The following TNFSF13B variants were observed in gnomAD, a reference collection of about 807,000 sequenced individuals.
TNFSF13B encodes tumor necrosis factor ligand superfamily member 13B.
TNFSF13B carries 8 observed loss-of-function variants against 29.1 expected under a neutral mutation model. The observed-to-expected ratio is 0.27, with a 90% CI of 0.16 to 0.50. The LOEUF (loss-of-function observed/expected upper bound fraction) is 0.50. Among genes scored for constraint, TNFSF13B ranks in the 20% least tolerant of loss-of-function variants. TNFSF13B has a pLI of 0.98. For synonymous variants in TNFSF13B, 125 were observed against 130.8 expected, an observed-to-expected ratio of 0.96 and a Z score of 0.30; for missense variants, 248 against 334.9, an observed-to-expected ratio of 0.74 and a Z score of 2.03.
Position 108,270,123 on chromosome 13 carries a change from G to A in TNFSF13B, c.228G>A (p.Leu76=). The change falls in exon 1 of 6, where the codon CTG becomes CTA. Residue 76 remains leucine (L), a synonymous_variant. Transcript: ENST00000375887. ...FYQVAALQGD[L]ASLRAELQGH... is the part of the protein sequence containing the mutation. ...AGGTGGCCGCCCTGCAAGGGGACCT[G>A]GCCAGCCTCCGGGCAGAGCTGCAGG... The A allele has an allele frequency of 6.2e-7, 1 of 1,602,660 alleles. No individual in the cohort carries two copies. The highest frequency in any genetic ancestry group is 1.3e-5 in the African/African-American group (1 of 75,042).
intron 5 of TNFSF13B, among the ~76,000 whole-genome samples, chr13:108,303,943 A>C (rs865892096): frequency 7.9e-5 from 12 of 152,216 alleles, no homozygotes; most frequent in African/African-American, 2.9e-4. Context: ...TTTCTTCAAC[A>C]CTTAATAACA....
intron 2 of TNFSF13B, 123 bp downstream of exon 2, chr13:108,270,547 C>T (rs776107041): frequency 4.2e-6 from 4 of 941,864 alleles, no homozygotes; most frequent in Non-Finnish European, 6.4e-6. Context: ...AATTTGCCAT[C>T]CAAAGCAGAC....
At chr13:108,291,254 CTTAG>C (rs1372798534) in intron 3 of TNFSF13B, among the ~76,000 whole-genome samples, 7 of 150,868 alleles carry the variant, frequency 4.6e-5, no homozygotes, top group Non-Finnish European at 8.9e-5. Context: ...AATCAGCTTA[CTTAG>C]TTAAAAAGAA....
chr13:108,279,340 T>C (rs927909129), intron 2 of TNFSF13B, among the ~76,000 whole-genome samples: 5 of 152,312 alleles, frequency 3.3e-5, no homozygotes, highest in Middle Eastern at 3.4e-3. Flanking sequence ...CAATAGATGA[T>C]ATGCAAAGTA....
At chr13:108,302,682 A>G in intron 3 of TNFSF13B, 1 of 322,934 alleles carries the variant, frequency 3.1e-6, no homozygotes, top group South Asian at 1.2e-4. Context: ...AACAGAAGCC[A>G]TTGAAACTCA....
chr13:108,291,064 T>G (rs765800540), intron 3 of TNFSF13B, among the ~76,000 whole-genome samples: 10 of 151,990 alleles, frequency 6.6e-5, no homozygotes, highest in Non-Finnish European at 8.8e-5. Context: ...CTATGTTTTT[T>G]TCACTTTTTA....
chr13:108,277,348 T>C (rs993310896), intron 2 of TNFSF13B, among the ~76,000 whole-genome samples: 1 of 152,210 alleles, frequency 6.6e-6, no homozygotes, highest in Non-Finnish European at 1.5e-5. Flanking sequence ...CACATCTAAA[T>C]GATGACTTCA....
chr13:108,294,411 C>A (rs1377074483), intron 3 of TNFSF13B, among the ~76,000 whole-genome samples: 1 of 151,174 alleles, frequency 6.6e-6, no homozygotes, highest in East Asian at 2.0e-4. Flanking sequence ...AACTTCTGAC[C>A]TCAAGAGATC....
rs747185859 is a variant in TNFSF13B at position 108,270,085 on chromosome 13, G to A, written c.190G>A (p.Val64Met). ...LALLSCCLTV[V>M]SFYQVAALQG... ...ACTGCTGTCTTGCTGCCTCACGGTG[G>A]TGTCTTTCTACCAGGTGGCCGCCCT... The change falls in exon 1 of 6, where the codon GTG becomes ATG. Residue 64 changes from valine (V) to methionine (M), a missense_variant. Val to Met is a conservative substitution (Grantham distance 21). Coordinates refer to ENST00000375887, the MANE Select transcript of TNFSF13B (RefSeq NM_006573.5). 3 of 1,605,486 alleles carry A rather than the reference G, an allele frequency of 1.9e-6. No individual in the cohort carries two copies. Among genetic ancestry groups the A allele is most frequent in the Non-Finnish European group, 2.5e-6 (3 of 1,179,954 alleles).
chr13:108,279,585 G>A (rs1423364393), intron 2 of TNFSF13B, among the ~76,000 whole-genome samples: 1 of 152,280 alleles, frequency 6.6e-6, no homozygotes, highest in Admixed American at 6.5e-5. Flanking sequence ...GCTGGGCCGG[G>A]GCATGGAGGA....
At chr13:108,302,977 A>G (rs1049213629) in intron 3 of TNFSF13B, 2 of 551,748 alleles carry the variant, frequency 3.6e-6, no homozygotes, top group Non-Finnish European at 5.0e-6. Flanking sequence ...TAGCCGAAAT[A>G]TAGACCAATA....
rs1382885007 is a variant in TNFSF13B, at chr13:108,305,722, C to CA, written c.746-1098dup. On this transcript the variant is annotated intron_variant, in intron 5 of 5. Transcript: ENST00000375887. Reference sequence around the variant, plus strand: ...GCTTGTATTCTGTCTTTGCCCATTACAAAAAAGCATACCCAGTGGGGATGG... The same window carrying CA: ...GCTTGTATTCTGTCTTTGCCCATTACAAAAAAAGCATACCCAGTGGGGATGG... 2.6e-5 allele frequency among the ~76,000 whole-genome samples: 4 copies of CA among 152,184 alleles called. No homozygotes were observed. The South Asian group carries it at 8.3e-4, about 32-fold the overall frequency.
At position 108,307,223 on chromosome 13, in the gene TNFSF13B, A is replaced by G. The variant is rs193216832; in HGVS notation, c.*285A>G. ...TTTTCATTATAATTCCATGTTGAACAATTGAGTCATAGCTTCTTATCTTGG... is the reference window on the plus strand; with the variant it reads ...TTTTCATTATAATTCCATGTTGAACGATTGAGTCATAGCTTCTTATCTTGG... On this transcript the variant is annotated 3_prime_UTR_variant, in exon 6 of 6. Transcript: ENST00000375887. The G allele has an allele frequency of 1.5e-4, 39 of 264,542 alleles. No homozygotes were observed. The East Asian group carries it at 3.5e-3, about 24-fold the overall frequency. The allele number at this position is 264,542 out of a possible 1,614,324, so 16.4% of individuals were successfully genotyped here. A position where few individuals can be genotyped will look rare whatever the true frequency, so the allele number is the denominator to read the frequency against.
intron 2 of TNFSF13B, among the ~76,000 whole-genome samples, chr13:108,274,910 A>G (rs536621764): frequency 6.6e-6 from 1 of 152,196 alleles, no homozygotes; most frequent in East Asian, 1.9e-4. Context: ...TCCCAATGAT[A>G]CTCTCTTCCA....
chr13:108,306,986 T>C lies in TNFSF13B; in HGVS notation c.*48T>C. 2.3e-6 allele frequency: 1 copy of C among 429,010 alleles called. No homozygotes were observed. The highest frequency in any genetic ancestry group is 4.1e-6 in the Non-Finnish European group (1 of 246,376). 26.6% of individuals were successfully genotyped at this position (429,010 alleles called of 1,614,324 possible). A position where few individuals can be genotyped will look rare whatever the true frequency, so the allele number is the denominator to read the frequency against. On this transcript the variant is annotated 3_prime_UTR_variant, in exon 6 of 6. Coordinates refer to ENST00000375887, the MANE Select transcript of TNFSF13B (RefSeq NM_006573.5). ...CTATTTTCCTCCCTTTCTCTGTACC[T>C]CTAAGAAGAAAGAATCTAACTGAAA...
At chr13:108,275,220 A>G (rs573108864) in intron 2 of TNFSF13B, among the ~76,000 whole-genome samples, 1 of 152,274 alleles carries the variant, frequency 6.6e-6, no homozygotes, top group South Asian at 2.1e-4. Context: ...TGAAAATATT[A>G]CGTAATAAAA....
intron 2 of TNFSF13B, among the ~76,000 whole-genome samples, chr13:108,285,019 C>T (rs1376870012): frequency 2.0e-5 from 3 of 152,098 alleles, no homozygotes; most frequent in African/African-American, 4.8e-5. Context: ...TAGTGACTAA[C>T]GAATCATGTT....
intron 2 of TNFSF13B, among the ~76,000 whole-genome samples, chr13:108,286,163 C>T (rs1356696439): frequency 6.6e-6 from 1 of 152,164 alleles, no homozygotes; most frequent in Non-Finnish European, 1.5e-5. Context: ...ACTTTGGATC[C>T]AGAGTGAAAC....
At chr13:108,302,885 T>G in intron 3 of TNFSF13B, 1 of 987,020 alleles carries the variant, frequency 1.0e-6, no homozygotes, top group Non-Finnish European at 1.2e-6. Flanking sequence ...CAAAGGAAAA[T>G]CTCTACTAGT....
Sources: gnomAD v4.1 joint callset for allele counts (sites outside exome capture counted in the v4.1 genomes callset) on GRCh38, gnomAD v4.1.1 for gene constraint, MANE v1.5 for transcripts, NCBI Gene and HGNC (gene_info 2026-07-23, HGNC 2026-07-21) for gene names.